PCDHGA5: variants seen among roughly 807,000 people sequenced by gnomAD.
PCDHGA5 encodes the protein protocadherin gamma-A5.
PCDHGA5 carries 36 observed loss-of-function variants against 56.7 expected under a neutral mutation model. The ratio of observed to expected loss-of-function variants is 0.64; its 90% CI spans 0.49 to 0.84. The LOEUF (loss-of-function observed/expected upper bound fraction) is 0.84. Among genes scored for constraint, PCDHGA5 ranks in the 40% least tolerant of loss-of-function variants. PCDHGA5 has a pLI of 0.00. For missense variants in PCDHGA5, 1,305 were observed against 1,201.5 expected (o/e 1.09, Z -1.27); for synonymous variants, 563 against 520.2 (o/e 1.08, Z -1.12).
At position 141,418,056 on chromosome 5, in the gene PCDHGA5, T is replaced by G. The variant is rs199996434; in HGVS notation, c.2421+51305T>G. ...GTCCTGGATGTGTCGGCTCGCGAGC[T>G]GCGAGTGAGCGCGGAGAAGCTGCAC... is the stretch of plus-strand genomic sequence containing the variant. On this transcript the variant is annotated intron_variant, in intron 1 of 3. Coordinates refer to ENST00000518069, the MANE Select transcript of PCDHGA5 (RefSeq NM_018918.3). 5.0e-5 allele frequency: 80 copies of G among 1,613,976 alleles called. No individual in the cohort carries two copies. The African/African-American group carries it at 7.5e-4, about 15-fold the overall frequency.
At chr5:141,413,406 G>A (rs2095636376) in intron 1 of PCDHGA5, 1 of 1,613,950 alleles carries the variant, frequency 6.2e-7, no homozygotes, top group Non-Finnish European at 8.5e-7. Context: ...GTAGGACGCA[G>A]CTTTTCTCTC....
At chr5:141,410,847 G>GTTTT (rs773839667) in intron 1 of PCDHGA5, 2 of 158,344 alleles carry the variant, frequency 1.3e-5, no homozygotes, top group African/African-American at 1.7e-4. Context: ...TTTTGTCTTT[G>GTTTT]TCTTTTTTTT....
intron 1 of PCDHGA5, chr5:141,393,540 C>G (rs760241344): frequency 6.2e-7 from 1 of 1,613,996 alleles, no homozygotes; most frequent in Admixed American, 1.7e-5. Context: ...CCCGGTTTTT[C>G]CTCACCCGAT....
In PCDHGA5 at chr5:141,439,058, TGGCA is replaced by T. The variant is rs1241503235; in HGVS notation, c.2422-55745_2422-55742del. On this transcript the variant is annotated intron_variant, in intron 1 of 3. Transcript: ENST00000518069. ...CAGTTCATAAGATTTCCATATTGTG[TGGCA>T]GGCGCCTGTAATCCCAGCTACTCAG... 2.0e-5 allele frequency among the ~76,000 whole-genome samples: 3 copies of T among 151,580 alleles called. No individual in the cohort carries two copies. The East Asian group carries it at 5.9e-4, about 30-fold the overall frequency.
intron 1 of PCDHGA5, among the ~76,000 whole-genome samples, chr5:141,443,720 T>G (rs1349609652): frequency 2.6e-5 from 4 of 152,156 alleles, no homozygotes; most frequent in Non-Finnish European, 5.9e-5. Flanking sequence ...CATATAAAAT[T>G]CCTCATACAT....
chr5:141,386,729 G>A (rs2090690425), intron 1 of PCDHGA5, among the ~76,000 whole-genome samples: 1 of 152,182 alleles, frequency 6.6e-6, no homozygotes, highest in South Asian at 2.1e-4. Context: ...CAATGTTACT[G>A]AGGGAAGATC....
chr5:141,455,690 C>A (rs1209152869), intron 1 of PCDHGA5, among the ~76,000 whole-genome samples: 1 of 152,064 alleles, frequency 6.6e-6, no homozygotes, highest in East Asian at 1.9e-4. Context: ...CTGTGGGAAT[C>A]GCCAAGTTGA....
intron 1 of PCDHGA5, among the ~76,000 whole-genome samples, chr5:141,449,281 G>A (rs1051064124): frequency 6.6e-6 from 1 of 151,946 alleles, no homozygotes; most frequent in Non-Finnish European, 1.5e-5. Context: ...TCCTTCACCC[G>A]GATGCACCGG....
In PCDHGA5 at chr5:141,476,737, G is replaced by A. The variant is rs1420138912; in HGVS notation, c.2422-18070G>A. ...AGCGCGCCCTGGACCGAGAACGGGA[G>A]CCTAGTCTCCAGTTAGTGCTGACGG... is the stretch of plus-strand genomic sequence containing the variant. On this transcript the variant is annotated intron_variant, in intron 1 of 3. Coordinates refer to ENST00000518069, the MANE Select transcript of PCDHGA5 (RefSeq NM_018918.3). This position sits in a 1 kb window ranked among gnomAD's most constrained non-coding sequence, Gnocchi z 7.6. The A allele has an allele frequency of 3.1e-6, 5 of 1,613,982 alleles. No individual in the cohort carries two copies. Among genetic ancestry groups the A allele is most frequent in the Non-Finnish European group, 4.2e-6 (5 of 1,180,038 alleles).
chr5:141,395,310 A>G (rs752171326), intron 1 of PCDHGA5: 7 of 1,502,410 alleles, frequency 4.7e-6, no homozygotes. Context: ...TTTGAAAAAC[A>G]TTGTGAAGAT....
rs752472089 is a variant in PCDHGA5, at chr5:141,389,501, G to T, written c.2421+22750G>T. The T allele has an allele frequency of 3.7e-6, 6 of 1,612,948 alleles. No individual in the cohort carries two copies. In the East Asian group the frequency reaches 6.7e-5, roughly 18 times the overall value. On this transcript the variant is annotated intron_variant, in intron 1 of 3. Transcript: ENST00000518069. Reference sequence around the variant, plus strand: ...AGGCCCGCGACCAGGGCTCGCCAGCGCTCAGCGCGAACGTGAGCCTGCGCG... The same window carrying T: ...AGGCCCGCGACCAGGGCTCGCCAGCTCTCAGCGCGAACGTGAGCCTGCGCG...
intron 1 of PCDHGA5, chr5:141,389,722 G>T (rs141134077): frequency 1.9e-6 from 3 of 1,612,560 alleles, no homozygotes; most frequent in Non-Finnish European, 1.7e-6. Context: ...AGCGAGCCCG[G>T]GCTCTTCAGC....
intron 1 of PCDHGA5, chr5:141,383,092 C>G (rs200016406): frequency 6.2e-7 from 1 of 1,613,932 alleles, no homozygotes; most frequent in South Asian, 1.1e-5. Context: ...GCGCGGAGTC[C>G]GCATCATCTC....
chr5:141,494,613 G>A (rs2099755672), intron 1 of PCDHGA5, among the ~76,000 whole-genome samples, 194 bp from the exon 2 acceptor site: 1 of 152,136 alleles, frequency 6.6e-6, no homozygotes, highest in Non-Finnish European at 1.5e-5. Context: ...TTATCTCTTG[G>A]TTTCTGGTAC....
At chr5:141,369,364 A>G (rs1766184094) in intron 1 of PCDHGA5, among the ~76,000 whole-genome samples, 2 of 152,320 alleles carry the variant, frequency 1.3e-5, no homozygotes, top group African/African-American at 4.8e-5. Context: ...ATGAAAAAAC[A>G]TCCTTTGTAA....
At chr5:141,420,808 G>A (rs539942896) in intron 1 of PCDHGA5, among the ~76,000 whole-genome samples, 2 of 152,288 alleles carry the variant, frequency 1.3e-5, no homozygotes, top group Admixed American at 6.5e-5. Flanking sequence ...AATTAAGCAA[G>A]CCCTTTTAAT....
chr5:141,403,189 G>A (rs1234686339), intron 1 of PCDHGA5: 2 of 1,613,860 alleles, frequency 1.2e-6, no homozygotes, highest in South Asian at 1.1e-5. Flanking sequence ...CTCTGAACCC[G>A]CGCAGCGGCA....
chr5:141,404,886 C>T (rs1248535405), intron 1 of PCDHGA5: 2 of 1,613,906 alleles, frequency 1.2e-6, no homozygotes, highest in South Asian at 1.1e-5. Context: ...CTTGTGGTGG[C>T]TGTACAGGAC....
rs752341952 is a variant in PCDHGA5 at position 141,431,380 on chromosome 5, T to C, written c.2422-63427T>C. 10 of 1,613,902 alleles carry C rather than the reference T, an allele frequency of 6.2e-6. No homozygotes were observed. The highest frequency in any genetic ancestry group is 8.5e-6 in the Non-Finnish European group (10 of 1,180,024). ...CCCTGGACCGCGAAGAAAAGGCTGCTCACCACCTGGTCCTTACGGCCTCCG... is the reference window on the plus strand; with the variant it reads ...CCCTGGACCGCGAAGAAAAGGCTGCCCACCACCTGGTCCTTACGGCCTCCG... On this transcript the variant is annotated intron_variant, in intron 1 of 3. Transcript: ENST00000518069. The surrounding 1 kb of genome is among the most constrained non-coding windows in gnomAD (Gnocchi z 4.8).
Sources: allele counts gnomAD v4.1 joint callset (sites outside exome capture counted in the v4.1 genomes callset), GRCh38; gene constraint gnomAD v4.1.1; non-coding constraint Gnocchi (gnomAD v3.1); transcripts MANE v1.5; gene names NCBI Gene and HGNC (gene_info 2026-07-23, HGNC 2026-07-21).